The following MACROD2 variants were observed in gnomAD, a reference collection of about 807,000 sequenced individuals.
MACROD2 encodes mono-ADP ribosylhydrolase 2.
Under a neutral mutation model 70.4 loss-of-function variants are expected in MACROD2, and 36 were observed. The ratio of observed to expected loss-of-function variants is 0.51; its 90% CI spans 0.39 to 0.68. MACROD2 has a LOEUF of 0.68. Ranked by LOEUF, MACROD2 falls within the 30% of genes least tolerant of loss-of-function variation. MACROD2 has a pLI of 0.00. For missense variants in MACROD2, 496 were observed against 538.4 expected (o/e 0.92, Z 0.78); for synonymous variants, 172 against 178.8 (o/e 0.96, Z 0.30).
intron 8 of MACROD2, among the ~76,000 whole-genome samples, chr20:15,610,806 G>A (rs571943109): frequency 8.5e-5 from 13 of 152,094 alleles, no homozygotes; most frequent in South Asian, 2.1e-4. Flanking sequence ...CCTCTAAATC[G>A]GTGTTGGCAG....
intron 8 of MACROD2, among the ~76,000 whole-genome samples, chr20:15,757,447 C>G (rs1265283635): frequency 1.3e-5 from 2 of 151,996 alleles, no homozygotes; most frequent in East Asian, 3.9e-4. Context: ...AATAATACTG[C>G]CCTATATCAA....
At chr20:15,544,798 G>A (rs1412548860) in intron 8 of MACROD2, among the ~76,000 whole-genome samples, 1 of 152,186 alleles carries the variant, frequency 6.6e-6, no homozygotes, top group Non-Finnish European at 1.5e-5. Flanking sequence ...AGTCAACCAT[G>A]ATGGCTGATT....
At chr20:15,397,525 C>G (rs1368901408) in intron 6 of MACROD2, among the ~76,000 whole-genome samples, 3 of 152,108 alleles carry the variant, frequency 2.0e-5, no homozygotes, top group African/African-American at 7.2e-5. Context: ...GTCTTGATCT[C>G]CTGGACTCAA....
intron 6 of MACROD2, among the ~76,000 whole-genome samples, chr20:15,401,896 G>A (rs1568779511): frequency 6.6e-6 from 1 of 152,168 alleles, no homozygotes; most frequent in Non-Finnish European, 1.5e-5. Flanking sequence ...AACTGAGGCT[G>A]GGCATTCTAC....
chr20:14,326,315 T>C lies in MACROD2; in HGVS notation c.272-167164T>C. ...GGACTCCCTGTGGTTTGGTGATCCT[T>C]AGTGAGCTTGGGGTTCTTAATATCT... On this transcript the variant is annotated intron_variant, in intron 3 of 17. Transcript: ENST00000684519. This position sits in a 1 kb window ranked among gnomAD's most constrained non-coding sequence, Gnocchi z 5.5. 6.2e-7 allele frequency: 1 copy of C among 1,613,876 alleles called. No homozygotes were observed. Among genetic ancestry groups the C allele is most frequent in the Non-Finnish European group, 8.5e-7 (1 of 1,179,846 alleles).
intron 5 of MACROD2, among the ~76,000 whole-genome samples, chr20:15,095,172 G>A (rs2075821491): frequency 7.0e-6 from 1 of 143,208 alleles, no homozygotes; most frequent in South Asian, 2.3e-4. Flanking sequence ...CGCCTCCCAG[G>A]TTCACGCCAT....
At chr20:15,875,840 C>T (rs954722490) in intron 9 of MACROD2, among the ~76,000 whole-genome samples, 2 of 151,724 alleles carry the variant, frequency 1.3e-5, no homozygotes, top group Non-Finnish European at 2.9e-5. Flanking sequence ...TTATAGAGAC[C>T]GCTGCAGGGT....
At position 15,807,941 on chromosome 20, in the gene MACROD2, T is replaced by C. The variant is rs144309091; in HGVS notation, c.646-54804T>C. 8.5e-5 allele frequency among the ~76,000 whole-genome samples: 13 copies of C among 152,168 alleles called. No homozygotes were observed. The East Asian group carries it at 2.5e-3, about 30-fold the overall frequency. ...CAGCCTGGCGCCACACCCTGGGCCT[T>C]GTAGTTAAAGATCGACCCCTGACCT... On this transcript the variant is annotated intron_variant, in intron 8 of 17. Transcript: ENST00000684519.
intron 7 of MACROD2, among the ~76,000 whole-genome samples, chr20:15,485,028 G>A (rs1401551522): frequency 1.3e-5 from 2 of 151,888 alleles, no homozygotes; most frequent in Non-Finnish European, 1.5e-5. Context: ...AGCTGTTCAC[G>A]TGTTGGCACA....
In MACROD2 at chr20:15,001,945, C is replaced by CCACA. The variant is rs111994400; in HGVS notation, c.419-227970_419-227967dup. Among the ~76,000 whole-genome samples the CCACA allele has an allele frequency of 4.5e-3, 662 of 146,080 alleles. 4 individuals are homozygous for CCACA. Among genetic ancestry groups the CCACA allele is most frequent in the African/African-American group, 0.013 (505 of 40,096 alleles). On this transcript the variant is annotated intron_variant, in intron 5 of 17. Transcript: ENST00000684519. Reference sequence around the variant, plus strand: ...CTCATAGCTTAGCGCGTGTGCATGCCCACACACACACACACACACACACAC... The same window carrying CCACA: ...CTCATAGCTTAGCGCGTGTGCATGCCCACACACACACACACACACACACACACAC...
At chr20:15,839,851 A>G (rs941761702) in intron 8 of MACROD2, among the ~76,000 whole-genome samples, 3 of 152,278 alleles carry the variant, frequency 2.0e-5, no homozygotes, top group Middle Eastern at 3.4e-3. Flanking sequence ...TTATGTTGCA[A>G]TAGCTGAAAA....
chr20:14,240,928 A>G (rs1278880997), intron 3 of MACROD2, among the ~76,000 whole-genome samples: 1 of 152,192 alleles, frequency 6.6e-6, no homozygotes, highest in Non-Finnish European at 1.5e-5. Flanking sequence ...CAGGAATTCA[A>G]GATCAGCCTG....
intron 5 of MACROD2, among the ~76,000 whole-genome samples, chr20:14,705,657 G>A (rs2071260175): frequency 6.6e-6 from 1 of 152,098 alleles, no homozygotes; most frequent in South Asian, 2.1e-4. Context: ...TGACTAAATG[G>A]GCAGAAGTAA....
chr20:15,960,655 A>G (rs1327388940), intron 12 of MACROD2, among the ~76,000 whole-genome samples: 4 of 152,290 alleles, frequency 2.6e-5, no homozygotes, highest in Non-Finnish European at 5.9e-5. Flanking sequence ...CCGTTCCCCT[A>G]AGAGATGTAT....
intron 3 of MACROD2, among the ~76,000 whole-genome samples, chr20:14,262,430 T>G (rs141072251): frequency 6.6e-6 from 1 of 152,234 alleles, no homozygotes; most frequent in Non-Finnish European, 1.5e-5. Flanking sequence ...AGATAATTAC[T>G]GTTCTTTTGG....
intron 3 of MACROD2, among the ~76,000 whole-genome samples, chr20:14,368,418 C>T (rs1303650426): frequency 6.6e-6 from 1 of 152,022 alleles, no homozygotes; most frequent in African/African-American, 2.4e-5. Flanking sequence ...TGGCGGGTGC[C>T]TGTAGTCCCA....
intron 2 of MACROD2, among the ~76,000 whole-genome samples, chr20:14,059,285 CAT>C (rs760929821): frequency 1.3e-5 from 2 of 152,086 alleles, no homozygotes; most frequent in Non-Finnish European, 2.9e-5. Context: ...TAATTTCAGA[CAT>C]ATGCTTTTTT....
At chr20:14,799,967 G>T (rs1474402991) in intron 5 of MACROD2, among the ~76,000 whole-genome samples, 1 of 152,036 alleles carries the variant, frequency 6.6e-6, no homozygotes, top group South Asian at 2.1e-4. Context: ...GTGACTTCTT[G>T]TTTCTGTGAC....
intron 6 of MACROD2, among the ~76,000 whole-genome samples, chr20:15,283,092 C>T (rs974230894): frequency 6.6e-6 from 1 of 152,142 alleles, no homozygotes; most frequent in Non-Finnish European, 1.5e-5. Flanking sequence ...CTCACTATCA[C>T]AAGAACAGAA....
Sources: gnomAD v4.1 joint callset for allele counts (sites outside exome capture counted in the v4.1 genomes callset) on GRCh38, gnomAD v4.1.1 for gene constraint, Gnocchi (gnomAD v3.1) non-coding constraint, MANE v1.5 for transcripts, NCBI Gene and HGNC (gene_info 2026-07-23, HGNC 2026-07-21) for gene names.